Variants in SARNP observed in about 807,000 individuals in gnomAD.
SARNP encodes SAP domain-containing ribonucleoprotein.
Under a neutral mutation model 38.1 loss-of-function variants are expected in SARNP, and 5 were observed. That is an observed-to-expected ratio of 0.13 (90% confidence interval 0.07 to 0.28). The LOEUF is 0.28. Among genes scored for constraint, SARNP ranks in the 10% least tolerant of loss-of-function variants. The pLI is 1.00. For missense variants in SARNP, 180 were observed against 243.9 expected (o/e 0.74, Z 1.75); for synonymous variants, 84 against 80.6 (o/e 1.04, Z -0.23).
chr12:55,788,310 G>C (rs1346038965), intron 9 of SARNP, among the ~76,000 whole-genome samples: 2 of 152,046 alleles, frequency 1.3e-5, no homozygotes, highest in African/African-American at 4.8e-5. Flanking sequence ...GTTAGCTGAG[G>C]GGCATAAAGA....
intron 2 of SARNP, among the ~76,000 whole-genome samples, chr12:55,803,103 T>G (rs777903927): frequency 6.6e-6 from 1 of 151,044 alleles, no homozygotes; most frequent in Non-Finnish European, 1.5e-5. Flanking sequence ...CCTAAATGGG[T>G]TGGGGAGAAA....
intron 10 of SARNP, 116 bp from the exon 11 acceptor site, chr12:55,757,669 GC>G: frequency 1.5e-6 from 1 of 668,292 alleles, no homozygotes. Context: ...AGGAAGGATG[GC>G]CCAGACTTGA....
chr12:55,788,098 C>A (rs1201905693), intron 9 of SARNP, among the ~76,000 whole-genome samples: 1 of 152,160 alleles, frequency 6.6e-6, no homozygotes, highest in Non-Finnish European at 1.5e-5. Flanking sequence ...ACCCTGCCAC[C>A]ACTTTGACAA....
At chr12:55,762,554 G>C (rs960427758) in intron 9 of SARNP, 1 of 152,166 alleles carries the variant, frequency 6.6e-6, no homozygotes, top group African/African-American at 2.4e-5. Flanking sequence ...TTACAGGTGT[G>C]AGCCACTGCG....
At chr12:55,776,001 A>C (rs140837966) in intron 9 of SARNP, among the ~76,000 whole-genome samples, 1 of 152,202 alleles carries the variant, frequency 6.6e-6, no homozygotes, top group African/African-American at 2.4e-5. Context: ...TATACCAAAA[A>C]ATTCCTTCCC....
intron 9 of SARNP, among the ~76,000 whole-genome samples, chr12:55,786,617 T>G (rs1457121916): frequency 6.6e-6 from 1 of 152,044 alleles, no homozygotes; most frequent in Non-Finnish European, 1.5e-5. Flanking sequence ...GCCTGGCTAA[T>G]TTTTTGTATT....
At chr12:55,815,653 G>A (rs1019998516) in intron 1 of SARNP, among the ~76,000 whole-genome samples, 3 of 151,926 alleles carry the variant, frequency 2.0e-5, no homozygotes, top group Non-Finnish European at 4.4e-5. Context: ...TGGTAGAGGC[G>A]GGGTTTCGCC....
chr12:55,755,439 T>G (rs1252321823), downstream of SARNP: 1 of 152,150 alleles, frequency 6.6e-6, no homozygotes, highest in Non-Finnish European at 1.5e-5. Context: ...TTTTATAGAC[T>G]CCCTCATTAA....
Position 55,800,646 on chromosome 12 carries a change from C to T in SARNP, c.184-17G>A. 6.3e-7 allele frequency: 1 copy of T among 1,589,178 alleles called. No homozygotes were observed. Among genetic ancestry groups the T allele is most frequent in the Non-Finnish European group, 8.6e-7 (1 of 1,162,500 alleles). ...TTCTTCTTCCTAAAACCAAATGAAA[C>T]AAGGTGGTTAACATAAATCTAAAGA... On this transcript the variant is annotated splice_polypyrimidine_tract_variant and intron_variant, in intron 3 of 10. Transcript: ENST00000336133.
chr12:55,787,201 C>A (rs1319856858), intron 9 of SARNP, among the ~76,000 whole-genome samples: 1 of 141,750 alleles, frequency 7.1e-6, no homozygotes, highest in East Asian at 2.0e-4. Context: ...TACTGCTCTG[C>A]AGCCTGGGTG....
chr12:55,768,793 G>A lies in SARNP; in HGVS notation c.502-8153C>T, dbSNP rs146124008. ...GGCTGCAGTGCAATGGCACGATCTC[G>A]GCTCACTGCAATCTCCGTCTCCTGG... is the stretch of plus-strand genomic sequence containing the variant. On this transcript the variant is annotated intron_variant, in intron 9 of 10. Coordinates refer to ENST00000336133, the MANE Select transcript of SARNP (RefSeq NM_033082.4). Among the ~76,000 whole-genome samples the A allele has an allele frequency of 3.1e-3, 471 of 152,136 alleles. 4 individuals carry two copies. Among genetic ancestry groups the A allele is most frequent in the African/African-American group, 0.011 (440 of 41,502 alleles).
intron 2 of SARNP, among the ~76,000 whole-genome samples, chr12:55,803,408 C>T (rs555887678): frequency 2.6e-5 from 4 of 151,266 alleles, no homozygotes; most frequent in East Asian, 1.9e-4. Context: ...TGGTTGAAGC[C>T]GGGAGACAGA....
At chr12:55,804,614 T>C (rs1412088193) in intron 1 of SARNP, among the ~76,000 whole-genome samples, 1 of 152,166 alleles carries the variant, frequency 6.6e-6, no homozygotes, top group Non-Finnish European at 1.5e-5. Context: ...AGGTTAACAG[T>C]ATGATTTGCT....
intron 9 of SARNP, among the ~76,000 whole-genome samples, chr12:55,778,552 AAAG>A (rs1255844412): frequency 6.6e-6 from 1 of 152,220 alleles, no homozygotes; most frequent in Non-Finnish European, 1.5e-5. Context: ...AGGAGACAGA[AAAG>A]AAGAAAACAG....
chr12:55,755,464 G>A (rs1878477439), downstream of SARNP: 1 of 152,202 alleles, frequency 6.6e-6, no homozygotes, highest in Non-Finnish European at 1.5e-5. Context: ...TTCCAGGTAT[G>A]CAGAGAATGT....
rs57796948 is a variant in SARNP, at chr12:55,799,205, T to C, written c.251+1357A>G. Reference sequence around the variant, plus strand: ...CAAAGAGTACTTAATTCTTAATTGATATACTCCACTATGTACTGACTTTTT... The same window carrying C: ...CAAAGAGTACTTAATTCTTAATTGACATACTCCACTATGTACTGACTTTTT... On this transcript the variant is annotated intron_variant, in intron 4 of 10. Transcript: ENST00000336133. Among the ~76,000 whole-genome samples, 1,517 of 152,334 alleles carry C rather than the reference T, an allele frequency of 1.0e-2. 31 individuals carry two copies. Among genetic ancestry groups the C allele is most frequent in the African/African-American group, 0.035 (1,451 of 41,572 alleles).
At chr12:55,797,943 C>T (rs1879867273) in intron 4 of SARNP, among the ~76,000 whole-genome samples, 1 of 152,116 alleles carries the variant, frequency 6.6e-6, no homozygotes, top group South Asian at 2.1e-4. Context: ...AATTAAAGCC[C>T]CCTGAACAGA....
chr12:55,793,733 A>G (rs557908539), intron 7 of SARNP: 3 of 152,714 alleles, frequency 2.0e-5, no homozygotes, highest in Non-Finnish European at 1.5e-5. Flanking sequence ...GCACTCTTAC[A>G]TGACTAAAAT....
intron 9 of SARNP, among the ~76,000 whole-genome samples, chr12:55,780,419 A>T (rs1211702195): frequency 6.6e-6 from 1 of 152,128 alleles, no homozygotes; most frequent in Non-Finnish European, 1.5e-5. Context: ...GCGCCACTGC[A>T]TTCCAGCCTG....
Sources: gnomAD v4.1 joint callset for allele counts (sites outside exome capture counted in the v4.1 genomes callset) on GRCh38, gnomAD v4.1.1 for gene constraint, MANE v1.5 for transcripts, NCBI Gene and HGNC (gene_info 2026-07-23, HGNC 2026-07-21) for gene names.